Variants in LMBR1 observed in about 807,000 individuals in gnomAD.
The protein encoded by LMBR1 is limb region 1 protein homolog.
LMBR1 carries 52 observed loss-of-function variants against 73.9 expected under a neutral mutation model. The ratio of observed to expected loss-of-function variants is 0.70; its 90% CI spans 0.56 to 0.89. LMBR1 has a LOEUF of 0.89. Among genes scored for constraint, LMBR1 ranks in the 40% least tolerant of loss-of-function variants. LMBR1 has a pLI of 0.00. For synonymous variants in LMBR1, 215 were observed against 209.4 expected (o/e 1.03, Z -0.23); for missense variants, 539 against 579.8 (o/e 0.93, Z 0.72).
At chr7:156,838,218 A>T (rs886355922) in intron 1 of LMBR1, among the ~76,000 whole-genome samples, 2 of 152,172 alleles carry the variant, frequency 1.3e-5, no homozygotes, top group African/African-American at 4.8e-5. Context: ...AATATTTATA[A>T]TTTTTTGTGA....
chr7:156,774,742 G>T (rs1401198642), intron 5 of LMBR1, among the ~76,000 whole-genome samples: 26 of 152,164 alleles, frequency 1.7e-4, no homozygotes, highest in Admixed American at 1.5e-3. Flanking sequence ...TGAGGCAGGA[G>T]AATCACTTGA....
Position 156,762,135 on chromosome 7 carries a change from G to T in LMBR1, c.683C>A (p.Thr228Lys). Residue 228 changes from threonine to lysine, a missense_variant and splice_region_variant, in exon 8 of 17, where the codon ACA (threonine) becomes AAA (lysine). Transcript: ENST00000353442. ...TVMGQLLVKPTILEDLDEQIY... is the reference protein window; with the variant it reads ...TVMGQLLVKPKILEDLDEQIY... ...AATGATTTATAATTAAATACTTACT[G>T]TTGGCTTCACTAGCAACTGACCCAT... is the stretch of plus-strand genomic sequence containing the variant. 6.3e-7 allele frequency: 1 copy of T among 1,576,354 alleles called. No homozygotes were observed. Among genetic ancestry groups the T allele is most frequent in the South Asian group, 1.1e-5 (1 of 90,154 alleles).
intron 4 of LMBR1, among the ~76,000 whole-genome samples, chr7:156,811,666 C>T (rs1194203132): frequency 6.6e-6 from 1 of 152,140 alleles, no homozygotes; most frequent in Non-Finnish European, 1.5e-5. Context: ...ATCTCAGTTG[C>T]AGACTCAAGG....
intron 4 of LMBR1, among the ~76,000 whole-genome samples, chr7:156,825,221 A>C (rs189481770): frequency 1.2e-3 from 176 of 152,350 alleles, no homozygotes; most frequent in African/African-American, 4.1e-3. Flanking sequence ...TTTTCAAAAA[A>C]CTTTTACCTT....
At position 156,763,704 on chromosome 7, in the gene LMBR1, A is replaced by G. The variant is rs149171555; in HGVS notation, c.515T>C (p.Ile172Thr). 18 of 1,597,058 alleles carry G rather than the reference A, an allele frequency of 1.1e-5. No homozygotes were observed. In the East Asian group the frequency reaches 3.7e-4, roughly 33 times the overall value. ...LGIVWVASAL[I>T]DNDAASMESL... ...TTCCATGCTTGCGGCATCGTTGTCA[A>G]TGAGTGCTGAAGCTACCCACACTAT... Residue 172 changes from isoleucine to threonine, a missense_variant, in exon 6 of 17, where the codon ATT (isoleucine) becomes ACT (threonine). Physicochemically the swap from Ile to Thr is moderately conservative, Grantham distance 89. Around this residue, in one of 3 missense-constraint regions of LMBR1, gnomAD observed 454 missense variants for 473.4 expected, o/e 0.96. Transcript: ENST00000353442.
At chr7:156,742,033 C>T (rs184663462) in intron 9 of LMBR1, among the ~76,000 whole-genome samples, 1 of 152,106 alleles carries the variant, frequency 6.6e-6, no homozygotes, top group Non-Finnish European at 1.5e-5. Context: ...AAACAAAATG[C>T]TCCTGAATCA....
chr7:156,730,883 C>T (rs1016987381), intron 10 of LMBR1, among the ~76,000 whole-genome samples: 1 of 151,908 alleles, frequency 6.6e-6, no homozygotes, highest in Non-Finnish European at 1.5e-5. Flanking sequence ...TTGCAGTGGA[C>T]TGAGATCAGG....
intron 1 of LMBR1, among the ~76,000 whole-genome samples, chr7:156,868,713 C>T (rs550449735): frequency 1.3e-5 from 2 of 152,014 alleles, no homozygotes; most frequent in Non-Finnish European, 1.5e-5. Flanking sequence ...CACCTGTAAT[C>T]CCAACACTTT....
At chr7:156,733,377 T>C (rs544558974) in intron 10 of LMBR1, among the ~76,000 whole-genome samples, 1 of 152,228 alleles carries the variant, frequency 6.6e-6, no homozygotes, top group South Asian at 2.1e-4. Flanking sequence ...ATTGTAAGTG[T>C]TGTCATAACT....
chr7:156,719,273 T>A (rs1425020557), intron 15 of LMBR1, among the ~76,000 whole-genome samples: 1 of 151,964 alleles, frequency 6.6e-6, no homozygotes, highest in African/African-American at 2.4e-5. Context: ...AGAATGATGA[T>A]TTCCAATTTC....
chr7:156,752,044 C>G (rs542144559), intron 9 of LMBR1, among the ~76,000 whole-genome samples: 2 of 152,136 alleles, frequency 1.3e-5, no homozygotes, highest in Admixed American at 1.3e-4. Flanking sequence ...AAGTTATAGA[C>G]ACAGAAAAGC....
chr7:156,860,417 C>T (rs992285060), intron 1 of LMBR1, among the ~76,000 whole-genome samples: 1 of 152,208 alleles, frequency 6.6e-6, no homozygotes, highest in Non-Finnish European at 1.5e-5. Context: ...TTACCTCCCA[C>T]TGGGTCCCTC....
At chr7:156,869,836 A>G (rs1799005131) in intron 1 of LMBR1, among the ~76,000 whole-genome samples, 5 of 152,348 alleles carry the variant, frequency 3.3e-5, no homozygotes, top group Middle Eastern at 6.8e-3. Flanking sequence ...ATCAAGAAAG[A>G]GCAGAGATAG....
intron 1 of LMBR1, among the ~76,000 whole-genome samples, 176 bp downstream of exon 1, chr7:156,892,752 A>T (rs1254764548): frequency 3.5e-5 from 3 of 84,870 alleles, no homozygotes; most frequent in African/African-American, 1.3e-4. Flanking sequence ...AGAGGTGGGG[A>T]GGGAAGGGGA....
chr7:156,764,315 C>T (rs958642560), intron 5 of LMBR1, among the ~76,000 whole-genome samples: 8 of 152,166 alleles, frequency 5.3e-5, no homozygotes, highest in Non-Finnish European at 1.2e-4. Context: ...TATAGAGATA[C>T]TGCTTTTATC....
At chr7:156,848,936 A>AT (rs1795875402) in intron 1 of LMBR1, among the ~76,000 whole-genome samples, 1 of 151,670 alleles carries the variant, frequency 6.6e-6, no homozygotes, top group Admixed American at 6.6e-5. Flanking sequence ...GTCTCAAAAA[A>AT]AAAAAAAAAA....
chr7:156,773,364 C>T (rs1825556371), intron 5 of LMBR1, among the ~76,000 whole-genome samples: 1 of 152,018 alleles, frequency 6.6e-6, no homozygotes, highest in South Asian at 2.1e-4. Flanking sequence ...CATATGGAAC[C>T]AAAAGAGCCC....
chr7:156,681,413 G>C lies in LMBR1; in HGVS notation c.*2665C>G, dbSNP rs1170999024. ...AATTTCATGTAAAGCCTCATATTTA[G>C]AGGTCTATTTTTACAGAGAATGTAC... On this transcript the variant is annotated 3_prime_UTR_variant, in exon 17 of 17. Transcript: ENST00000353442. The C allele has an allele frequency of 5.8e-6, 1 of 171,116 alleles. No homozygotes were observed. The highest frequency in any genetic ancestry group is 1.3e-5 in the Non-Finnish European group (1 of 79,812). 10.6% of individuals were successfully genotyped at this position (171,116 alleles called of 1,614,324 possible).
intron 15 of LMBR1, 36 bp from the exon 16 acceptor site, chr7:156,688,227 C>A (rs369260316): frequency 4.5e-5 from 65 of 1,441,444 alleles, no homozygotes; most frequent in Non-Finnish European, 6.0e-5. Context: ...TTAATGAAAT[C>A]AGGTTAAGAC....
Sources: allele counts gnomAD v4.1 joint callset (sites outside exome capture counted in the v4.1 genomes callset), GRCh38; gene constraint gnomAD v4.1.1; regional missense constraint gnomAD v4.1.1; transcripts MANE v1.5; gene names NCBI Gene and HGNC (gene_info 2026-07-23, HGNC 2026-07-21).